Variants in LRRC18 observed in about 807,000 individuals in gnomAD.
The protein encoded by LRRC18 is leucine rich repeat containing 18.
In LRRC18, 12 loss-of-function variants were observed where a neutral mutation model predicts 11.2. The observed-to-expected ratio is 1.07, with a 90% CI of 0.69 to 1.74. LRRC18 has a LOEUF of 1.74. Among genes scored for constraint, LRRC18 ranks in the 40% most tolerant of loss-of-function variants. The pLI is 0.00. For synonymous variants in LRRC18, 155 were observed against 130.6 expected (o/e 1.19, Z -1.27); for missense variants, 374 against 330.5 (o/e 1.13, Z -1.02).
At chr10:48,921,558 T>A in the LRRC18 span, among the ~76,000 whole-genome samples, 1 of 151,854 alleles carries the variant, frequency 6.6e-6, no homozygotes, top group Admixed American at 6.6e-5. Context: ...AAAAGCACAA[T>A]TTACAAAAGA....
chr10:48,929,387 A>T, the LRRC18 span, among the ~76,000 whole-genome samples: 1 of 152,168 alleles, frequency 6.6e-6, no homozygotes, highest in East Asian at 1.9e-4. Flanking sequence ...TCCAGCAGGA[A>T]GCTATTGTGT....
chr10:48,913,345 C>G, intron 1 of LRRC18, 47 bp downstream of exon 3: 1 of 1,569,194 alleles, frequency 6.4e-7, no homozygotes, highest in South Asian at 1.1e-5. Context: ...TGCCCTCTTC[C>G]CTCCCTCTCT....
chr10:48,914,781 C>T (rs77670873), upstream of LRRC18, among the ~76,000 whole-genome samples: 18,836 of 152,138 alleles, frequency 0.12, 1,281 homozygotes, highest in Middle Eastern at 0.22. Flanking sequence ...AGTAGCCATG[C>T]AGAAAAGCCT....
At chr10:48,925,184 T>G in the LRRC18 span, among the ~76,000 whole-genome samples, 1 of 152,220 alleles carries the variant, frequency 6.6e-6, no homozygotes, top group Non-Finnish European at 1.5e-5. Context: ...GACCCTCATA[T>G]TTACTGGGTG....
At chr10:48,936,877 T>C in the LRRC18 span, among the ~76,000 whole-genome samples, 1 of 150,078 alleles carries the variant, frequency 6.7e-6, no homozygotes, top group Non-Finnish European at 1.5e-5. Context: ...TTAAAAGTGC[T>C]CATAATTTTG....
exon 1 of LRRC18, chr10:48,914,142 T>C (rs1305792556): frequency 6.2e-7 from 1 of 1,613,582 alleles, no homozygotes; most frequent in Non-Finnish European, 8.5e-7. Flanking sequence ...GGGGCCTTTC[T>C]CACCCTTAAC....
chr10:48,915,989 C>T (rs1234859527), upstream of LRRC18, among the ~76,000 whole-genome samples: 1 of 152,216 alleles, frequency 6.6e-6, no homozygotes, highest in African/African-American at 2.4e-5. Context: ...GCTTAAAAAA[C>T]AAAGTGGAGT....
chr10:48,919,812 A>G, the LRRC18 span, among the ~76,000 whole-genome samples: 167 of 152,292 alleles, frequency 1.1e-3, no homozygotes, highest in Admixed American at 3.3e-3. Context: ...TTTTTGGGGG[A>G]CACAAACATT....
intron 1 of LRRC18, 24 bp from the exon 4 acceptor site, chr10:48,910,282 T>A (rs1038622351): frequency 1.2e-6 from 2 of 1,612,012 alleles, no homozygotes; most frequent in African/African-American, 2.7e-5. Flanking sequence ...CACAAGAAGG[T>A]GAGGCAATTG....
chr10:48,914,531 C>T (rs779562885), upstream of LRRC18, among the ~76,000 whole-genome samples: 10 of 152,308 alleles, frequency 6.6e-5, no homozygotes, highest in East Asian at 1.7e-3. Context: ...CAGACTGTCA[C>T]GTACCCCCAA....
At chr10:48,912,625 GGT>G (rs1838109456) in intron 1 of LRRC18, among the ~76,000 whole-genome samples, 2 of 152,232 alleles carry the variant, frequency 1.3e-5, no homozygotes, top group African/African-American at 4.8e-5. Context: ...CACCTAGCAT[GGT>G]GCTGAGTAAG....
At chr10:48,914,130 T>G (rs755944332) in exon 1 of LRRC18, 11 of 1,614,062 alleles carry the variant, frequency 6.8e-6, no homozygotes, top group South Asian at 1.1e-5. Flanking sequence ...CTTCTTGCCC[T>G]TGGGGCCTTT....
At chr10:48,913,517 T>A in exon 1 of LRRC18, 1 of 1,613,942 alleles carries the variant, frequency 6.2e-7, no homozygotes, top group Non-Finnish European at 8.5e-7. Context: ...CGTTTTGGCA[T>A]TTTCTCAGGC....
At chr10:48,912,175 G>A (rs1838066128) in intron 1 of LRRC18, among the ~76,000 whole-genome samples, 1 of 152,224 alleles carries the variant, frequency 6.6e-6, no homozygotes, top group South Asian at 2.1e-4. Context: ...GATTGACTTG[G>A]TTGCTGTCAT....
At chr10:48,919,954 G>A in the LRRC18 span, among the ~76,000 whole-genome samples, 1 of 152,046 alleles carries the variant, frequency 6.6e-6, no homozygotes, top group East Asian at 1.9e-4. Flanking sequence ...AGACATATAA[G>A]AAAGAGATCT....
chr10:48,913,127 C>T (rs1410623310), intron 1 of LRRC18, among the ~76,000 whole-genome samples: 2 of 152,234 alleles, frequency 1.3e-5, no homozygotes, highest in African/African-American at 2.4e-5. Flanking sequence ...GTAGGATGGA[C>T]ATGGACAGGC....
At chr10:48,923,211 G>A in the LRRC18 span, among the ~76,000 whole-genome samples, 6 of 152,018 alleles carry the variant, frequency 3.9e-5, no homozygotes, top group Non-Finnish European at 5.9e-5. Context: ...GTAGCATCTG[G>A]GCACCACTGT....
chr10:48,926,351 C>T, the LRRC18 span, among the ~76,000 whole-genome samples: 1,471 of 152,342 alleles, frequency 9.7e-3, 24 homozygotes, highest in Middle Eastern at 0.014. Context: ...TGATGAGACA[C>T]TTGCTCCAGC....
exon 2 of LRRC18, chr10:48,910,108 C>A: frequency 1.2e-6 from 1 of 848,886 alleles, no homozygotes; most frequent in Non-Finnish European, 2.0e-6. Flanking sequence ...GTGGCTTGGC[C>A]AGCTCCGGCG....
Sources: gnomAD v4.1 joint callset for allele counts (sites outside exome capture counted in the v4.1 genomes callset) on GRCh38, gnomAD v4.1.1 for gene constraint, MANE v1.5 for transcripts, NCBI Gene and HGNC (gene_info 2026-07-23, HGNC 2026-07-21) for gene names.